Variants in DNTT observed in about 807,000 individuals in gnomAD.
DNTT encodes nucleosidetriphosphate:DNA deoxynucleotidylexotransferase.
In DNTT, 47 loss-of-function variants were observed where a neutral mutation model predicts 60.9. That is an observed-to-expected ratio of 0.77 (90% confidence interval 0.61 to 0.98). The LOEUF (loss-of-function observed/expected upper bound fraction) is 0.98. Ranked by LOEUF, DNTT falls within the 50% of genes least tolerant of loss-of-function variation. The pLI, the probability that DNTT is intolerant of heterozygous loss-of-function variation, is 0.00. For synonymous variants in DNTT, 224 were observed against 221.2 expected, an observed-to-expected ratio of 1.01 and a Z score of -0.11; for missense variants, 665 against 627.5, an observed-to-expected ratio of 1.06 and a Z score of -0.64.
At chr10:96,305,711 C>A (rs1449499888) in intron 1 of DNTT, among the ~76,000 whole-genome samples, 1 of 152,202 alleles carries the variant, frequency 6.6e-6, no homozygotes, top group East Asian at 1.9e-4. Context: ...ACAAGCATGT[C>A]ATGCAGAAGA....
At chr10:96,317,347 A>G (rs1166866510) in intron 1 of DNTT, among the ~76,000 whole-genome samples, 1 of 152,250 alleles carries the variant, frequency 6.6e-6, no homozygotes, top group African/African-American at 2.4e-5. Flanking sequence ...ATGTAGGTAA[A>G]GCACATGGCC....
In DNTT at chr10:96,332,577, T is replaced by C. The variant is rs1564875147; in HGVS notation, c.1340T>C (p.Leu447Ser). Residue 447 changes from leucine (L) to serine (S), a missense_variant, in exon 9 of 11, where the codon TTG becomes TCG. Transcript: ENST00000371174. ...TACGAGCGTCGTGCCTTTGCCCTGT[T>C]GGGATGGACTGGCTCCCGGGTAAGT... ...CPYERRAFAL[L>S]GWTGSRQFER... 3.1e-6 allele frequency: 5 copies of C among 1,611,456 alleles called. No homozygotes were observed. Among genetic ancestry groups the C allele is most frequent in the Admixed American group, 1.7e-5 (1 of 59,844 alleles).
chr10:96,322,538 C>A, intron 4 of DNTT, 119 bp from the exon 5 acceptor site: 1 of 612,716 alleles, frequency 1.6e-6, no homozygotes. Context: ...GGAAATACCC[C>A]TGCATGTGAT....
rs757547211 is a variant in DNTT, at chr10:96,328,748, T to G, written c.1031T>G (p.Val344Gly). 1 of 1,613,886 alleles carries G rather than the reference T, an allele frequency of 6.2e-7. No homozygotes were observed. The highest frequency in any genetic ancestry group is 8.5e-7 in the Non-Finnish European group (1 of 1,179,902). The change falls in exon 8 of 11, where the codon GTA becomes GGA. Residue 344 changes from valine to glycine, a missense_variant. Coordinates refer to ENST00000371174, the MANE Select transcript of DNTT (RefSeq NM_004088.4). ...AGGGGTAAGAAGATGGGGCATGATG[T>G]AGATTTTTTAATTACCAGCCCAGGA... ...FRRGKKMGHD[V>G]DFLITSPGST...
At chr10:96,304,740 C>A (rs950403369) in intron 1 of DNTT, 40 bp downstream of exon 1, 2 of 1,591,816 alleles carry the variant, frequency 1.3e-6, no homozygotes, top group African/African-American at 2.7e-5. Context: ...TAAGCAGAGG[C>A]TTTGTGAACA....
intron 1 of DNTT, among the ~76,000 whole-genome samples, chr10:96,313,317 G>A (rs900439996): frequency 6.6e-6 from 1 of 152,088 alleles, no homozygotes; most frequent in African/African-American, 2.4e-5. Context: ...GGTCTCTGTG[G>A]GCAAGGCAGA....
rs560927751 is a variant in DNTT, at chr10:96,307,779, T to TA, written c.203+3079_203+3080insA. ...TGTGCATATATATATATATATATAT[T>TA]TTTTTTTTTTGAGGCAGGGTCTTGT... On this transcript the variant is annotated intron_variant, in intron 1 of 10. Coordinates refer to ENST00000371174, the MANE Select transcript of DNTT (RefSeq NM_004088.4). Among the ~76,000 whole-genome samples, 586 of 139,820 alleles carry TA rather than the reference T, an allele frequency of 4.2e-3. 11 individuals carry two copies. Among genetic ancestry groups the TA allele is most frequent in the African/African-American group, 0.015 (544 of 35,926 alleles). The allele number at this position is 139,820 out of a possible 152,430, so 91.7% of individuals were successfully genotyped here. A position where few individuals can be genotyped will look rare whatever the true frequency, so the allele number is the denominator to read the frequency against.
chr10:96,304,767 A>G, intron 1 of DNTT, 67 bp downstream of exon 1: 1 of 1,533,004 alleles, frequency 6.5e-7, no homozygotes, highest in Non-Finnish European at 8.8e-7. Context: ...TGGGAACCCA[A>G]GGAACCTGTG....
At chr10:96,326,777 G>C (rs1844942739) in intron 6 of DNTT, among the ~76,000 whole-genome samples, 1 of 152,180 alleles carries the variant, frequency 6.6e-6, no homozygotes, top group South Asian at 2.1e-4. Context: ...CGATGCTGAA[G>C]CATGATTTGA....
At chr10:96,306,358 C>T (rs1341452498) in intron 1 of DNTT, among the ~76,000 whole-genome samples, 2 of 152,152 alleles carry the variant, frequency 1.3e-5, no homozygotes, top group Non-Finnish European at 2.9e-5. Context: ...TCCCAAAGTG[C>T]TGGGATTACA....
intron 1 of DNTT, among the ~76,000 whole-genome samples, chr10:96,306,108 T>TG (rs1554920131): frequency 5.3e-5 from 8 of 150,450 alleles, no homozygotes; most frequent in Admixed American, 1.3e-4. Flanking sequence ...TTTTTTTTTT[T>TG]TTTGAGACAG....
Position 96,327,498 on chromosome 10 carries a change from G to A in DNTT, c.905G>A (p.Cys302Tyr). ...CTGTATTATGAAGACCTTGTCAGCT[G>A]TGTGACCAGGGCAGAAGCAGAGGCC... is the stretch of plus-strand genomic sequence containing the variant. ...GFLYYEDLVS[C>Y]VTRAEAEAVS... is the part of the protein sequence containing the mutation. The change falls in exon 7 of 11, where the codon TGT becomes TAT. Residue 302 changes from cysteine to tyrosine, a missense_variant. Coordinates refer to ENST00000371174, the MANE Select transcript of DNTT (RefSeq NM_004088.4). 6.2e-7 allele frequency: 1 copy of A among 1,614,126 alleles called. No individual in the cohort carries two copies. The highest frequency in any genetic ancestry group is 8.5e-7 in the Non-Finnish European group (1 of 1,179,966).
At chr10:96,311,922 G>C (rs1374736628) in intron 1 of DNTT, among the ~76,000 whole-genome samples, 1 of 152,180 alleles carries the variant, frequency 6.6e-6, no homozygotes, top group African/African-American at 2.4e-5. Context: ...GGGATTATAG[G>C]CATAAGCCAC....
chr10:96,309,584 T>C (rs1256036873), intron 1 of DNTT, among the ~76,000 whole-genome samples: 1 of 152,226 alleles, frequency 6.6e-6, no homozygotes, highest in Admixed American at 6.5e-5. Flanking sequence ...CATTATATAA[T>C]GTTTGACATG....
intron 4 of DNTT, among the ~76,000 whole-genome samples, chr10:96,321,340 T>A (rs528328254): frequency 6.6e-6 from 1 of 152,234 alleles, no homozygotes; most frequent in South Asian, 2.1e-4. Flanking sequence ...GGGTCCTGCG[T>A]CACTTTTCCC....
intron 1 of DNTT, among the ~76,000 whole-genome samples, chr10:96,311,729 C>T (rs1347102880): frequency 6.6e-6 from 1 of 152,210 alleles, no homozygotes; most frequent in African/African-American, 2.4e-5. Context: ...CTACAATCTC[C>T]ACCTCCTGGG....
intron 1 of DNTT, among the ~76,000 whole-genome samples, chr10:96,311,707 G>C (rs1233011198): frequency 6.6e-6 from 1 of 152,208 alleles, no homozygotes; most frequent in Non-Finnish European, 1.5e-5. Context: ...GCAGTGGCAC[G>C]ATCTCAGCTC....
At chr10:96,322,775 C>G (rs764111918) in intron 5 of DNTT, 47 bp downstream of exon 5, 35 of 1,454,840 alleles carry the variant, frequency 2.4e-5, no homozygotes, top group Non-Finnish European at 3.2e-5. Context: ...TTCAGTTAAT[C>G]TTATTACTTA....
intron 9 of DNTT, 60 bp from the exon 10 acceptor site, chr10:96,335,831 A>G: frequency 6.4e-7 from 1 of 1,564,862 alleles, no homozygotes; most frequent in South Asian, 1.1e-5. Context: ...GGATGTAGCC[A>G]CCTAATACTG....
Sources: allele counts gnomAD v4.1 joint callset (sites outside exome capture counted in the v4.1 genomes callset), GRCh38; gene constraint gnomAD v4.1.1; transcripts MANE v1.5; gene names NCBI Gene and HGNC (gene_info 2026-07-23, HGNC 2026-07-21).